The following CCDC27 variants were observed in gnomAD, a reference collection of about 807,000 sequenced individuals.
The protein encoded by CCDC27 is coiled-coil domain containing 27.
CCDC27 carries 80 observed loss-of-function variants against 80.3 expected under a neutral mutation model. The ratio of observed to expected loss-of-function variants is 1.00; its 90% CI spans 0.83 to 1.20. CCDC27 has a LOEUF of 1.20. CCDC27 is among the 50% of genes most tolerant of loss of function. The pLI is 0.00. For synonymous variants in CCDC27, 342 were observed against 334.3 expected, an observed-to-expected ratio of 1.02 and a Z score of -0.25; for missense variants, 815 against 809.4, an observed-to-expected ratio of 1.01 and a Z score of -0.08.
Position 3,769,384 on chromosome 1 carries a change from A to G in CCDC27, c.1744-399A>G, listed in dbSNP as rs1229460805. Among the ~76,000 whole-genome samples, 2 of 152,164 alleles carry G rather than the reference A, an allele frequency of 1.3e-5. No homozygotes were observed. The highest frequency in any genetic ancestry group is 6.5e-5 in the Admixed American group (1 of 15,284). On this transcript the variant is annotated intron_variant, in intron 10 of 11. Transcript: ENST00000294600. The surrounding 1 kb of genome is among the most constrained non-coding windows in gnomAD (Gnocchi z 4.6). Reference sequence around the variant, plus strand: ...AATGCCTAAAGTGAGAGTGTCCCCAAGGGCCAGGAAGTCCGCTCACTGCAG... The same window carrying G: ...AATGCCTAAAGTGAGAGTGTCCCCAGGGGCCAGGAAGTCCGCTCACTGCAG...
At chr1:3,765,280 TC>T (rs1448373008) in intron 8 of CCDC27, among the ~76,000 whole-genome samples, 22 of 152,172 alleles carry the variant, frequency 1.4e-4, no homozygotes, top group Admixed American at 3.9e-4. Context: ...TAAGATCCTA[TC>T]TTTGTCCCAG....
rs1643298430 is a variant in CCDC27 at position 3,769,084 on chromosome 1, C to T, written c.1744-699C>T. Among the ~76,000 whole-genome samples the T allele has an allele frequency of 6.6e-6, 1 of 152,180 alleles. No individual in the cohort carries two copies. Among genetic ancestry groups the T allele is most frequent in the African/African-American group, 2.4e-5 (1 of 41,442 alleles). ...GTCGTCAGGGTTTCTGGACGAGGAA[C>T]TCGTGCTGAGCGTGCCGCATAACTC... On this transcript the variant is annotated intron_variant, in intron 10 of 11. Transcript: ENST00000294600. The surrounding 1 kb of genome is among the most constrained non-coding windows in gnomAD (Gnocchi z 4.6).
At chr1:3,755,256 G>A (rs942326252) in intron 2 of CCDC27, among the ~76,000 whole-genome samples, 3 of 152,206 alleles carry the variant, frequency 2.0e-5, no homozygotes, top group Non-Finnish European at 4.4e-5. Context: ...CCACACTTGG[G>A]TCTGCTGAGG....
At chr1:3,762,305 G>A (rs1196556221) in intron 5 of CCDC27, among the ~76,000 whole-genome samples, 1 of 152,180 alleles carries the variant, frequency 6.6e-6, no homozygotes, top group Admixed American at 6.5e-5. Flanking sequence ...GGGTGTCTGA[G>A]GGTGGGCCAC....
intron 3 of CCDC27, 91 bp from the exon 4 acceptor site, chr1:3,756,642 T>G (rs1008604848): frequency 1.4e-6 from 2 of 1,396,102 alleles, no homozygotes; most frequent in Non-Finnish European, 2.0e-6. Context: ...CCGAGGGAAG[T>G]CTCGGAAGGG....
At position 3,769,852 on chromosome 1, in the gene CCDC27, G is replaced by A. The variant is rs1055191206; in HGVS notation, c.1813G>A (p.Glu605Lys). ...SISGTKSLAN[E>K]ISDNDILEAL... ...CTCCGGGACCAAGTCCTTGGCCAACGAGATCTCTGACAATGACATCCTGGA... is the reference window on the plus strand; with the variant it reads ...CTCCGGGACCAAGTCCTTGGCCAACAAGATCTCTGACAATGACATCCTGGA... Residue 605 changes from glutamate (E) to lysine (K), a missense_variant, in exon 11 of 12, where the codon GAG (glutamate) becomes AAG (lysine). Coordinates refer to ENST00000294600, the MANE Select transcript of CCDC27 (RefSeq NM_152492.3). The surrounding 1 kb of genome is among the most constrained non-coding windows in gnomAD (Gnocchi z 4.6). 4 of 1,613,906 alleles carry A rather than the reference G, an allele frequency of 2.5e-6. No homozygotes were observed. Among genetic ancestry groups the A allele is most frequent in the Non-Finnish European group, 3.4e-6 (4 of 1,179,912 alleles).
At chr1:3,762,898 G>A (rs968489071) in intron 6 of CCDC27, 186 bp downstream of exon 6, 8 of 782,108 alleles carry the variant, frequency 1.0e-5, no homozygotes, top group Admixed American at 5.9e-5. Flanking sequence ...GTCAGGTGCA[G>A]TCTACTGACA....
chr1:3,769,710 TG>T lies in CCDC27; in HGVS notation c.1744-67del. ...TCCTGGTACATAAAAAATAAGGTGG[TG>T]GGGGGTGCAGCCCACTGGCCAGGTG... On this transcript the variant is annotated intron_variant, in intron 10 of 11. Coordinates refer to ENST00000294600, the MANE Select transcript of CCDC27 (RefSeq NM_152492.3). This position sits in a 1 kb window ranked among gnomAD's most constrained non-coding sequence, Gnocchi z 4.6. 1.7e-5 allele frequency: 17 copies of T among 976,582 alleles called. No homozygotes were observed. Among genetic ancestry groups the T allele is most frequent in the Non-Finnish European group, 2.8e-5 (17 of 599,060 alleles). The allele number at this position is 976,582 out of a possible 1,614,324, so 60.5% of individuals were successfully genotyped here.
Position 3,763,858 on chromosome 1 carries a change from G to A in CCDC27, c.1452+22G>A. The A allele has an allele frequency of 3.1e-6, 5 of 1,611,006 alleles. No homozygotes were observed. Among genetic ancestry groups the A allele is most frequent in the Non-Finnish European group, 4.2e-6 (5 of 1,177,940 alleles). ...CAAGGTGGCCGTGCGCTCAGTACCG[G>A]CCTCCGCTCCATGAGCATGGGCCCC... is the stretch of plus-strand genomic sequence containing the variant. On this transcript the variant is annotated intron_variant, in intron 8 of 11. Coordinates refer to ENST00000294600, the MANE Select transcript of CCDC27 (RefSeq NM_152492.3). This position sits in a 1 kb window ranked among gnomAD's most constrained non-coding sequence, Gnocchi z 7.5.
intron 4 of CCDC27, among the ~76,000 whole-genome samples, chr1:3,759,823 T>C (rs1014271293): frequency 1.3e-5 from 2 of 152,184 alleles, no homozygotes; most frequent in Non-Finnish European, 2.9e-5. Context: ...TTCTGAGAAA[T>C]AGGCTGAGCA....
rs905312012 is a variant in CCDC27 at position 3,766,093 on chromosome 1, C to T, written c.1453-442C>T. 1.3e-5 allele frequency among the ~76,000 whole-genome samples: 2 copies of T among 152,140 alleles called. No homozygotes were observed. The highest frequency in any genetic ancestry group is 4.8e-5 in the African/African-American group (2 of 41,422). ...GTTACCCACGCTTCTCTCAAATTCC[C>T]GACCTCAAGTGATCCACCCACCTCA... is the stretch of plus-strand genomic sequence containing the variant. On this transcript the variant is annotated intron_variant, in intron 8 of 11. Coordinates refer to ENST00000294600, the MANE Select transcript of CCDC27 (RefSeq NM_152492.3). This position sits in a 1 kb window ranked among gnomAD's most constrained non-coding sequence, Gnocchi z 6.1.
At chr1:3,756,978 G>A (rs1176936326) in intron 4 of CCDC27, 88 bp downstream of exon 4, 1 of 1,456,176 alleles carries the variant, frequency 6.9e-7, no homozygotes, top group African/African-American at 1.4e-5. Flanking sequence ...GACAGGCTCT[G>A]GTTCTAGTAT....
rs748509640 is a variant in CCDC27 at position 3,771,483 on chromosome 1, C to T, written c.1931C>T (p.Ala644Val). Residue 644 changes from alanine (A) to valine (V), a missense_variant, in exon 12 of 12, where the codon GCC becomes GTC. Physicochemically the swap from Ala to Val is moderately conservative, Grantham distance 64 (BLOSUM62 0). Transcript: ENST00000294600. ...VKVPPLQQSE[A>V]FLTSKSKKGT... ...GTGCCCCCCCTGCAACAGTCAGAGG[C>T]CTTCCTGACCAGCAAATCCAAGAAG... The T allele has an allele frequency of 5.6e-6, 9 of 1,613,970 alleles. No individual in the cohort carries two copies. Among genetic ancestry groups the T allele is most frequent in the Non-Finnish European group, 6.8e-6 (8 of 1,179,960 alleles).
intron 8 of CCDC27, among the ~76,000 whole-genome samples, chr1:3,764,357 A>T (rs563882815): frequency 3.3e-5 from 5 of 152,146 alleles, no homozygotes; most frequent in Non-Finnish European, 5.9e-5. Flanking sequence ...CTAAGGCATC[A>T]TTTTAAATTC....
intron 1 of CCDC27, 107 bp from the exon 2 acceptor site, chr1:3,754,011 C>A: frequency 1.3e-6 from 2 of 1,499,416 alleles, no homozygotes; most frequent in Non-Finnish European, 1.8e-6. Context: ...TAGGCACCTG[C>A]CATTGGGGCG....
rs146283868 is a variant in CCDC27, at chr1:3,768,611, G to A, written c.1743+1166G>A. ...ATCCAGCCGTAGTCCTGGTGAAAGC[G>A]TTAGACCAGAGGCGGTCTAGGTGTG... is the stretch of plus-strand genomic sequence containing the variant. On this transcript the variant is annotated intron_variant, in intron 10 of 11. Coordinates refer to ENST00000294600, the MANE Select transcript of CCDC27 (RefSeq NM_152492.3). This position sits in a 1 kb window ranked among gnomAD's most constrained non-coding sequence, Gnocchi z 5.6. Among the ~76,000 whole-genome samples, 77 of 152,272 alleles carry A rather than the reference G, an allele frequency of 5.1e-4. No homozygotes were observed. Among genetic ancestry groups the A allele is most frequent in the Admixed American group, 1.1e-3 (17 of 15,294 alleles).
At chr1:3,757,453 T>G (rs372708211) in intron 4 of CCDC27, among the ~76,000 whole-genome samples, 13 of 151,972 alleles carry the variant, frequency 8.6e-5, no homozygotes, top group African/African-American at 2.4e-4. Context: ...AGTAGTAGTA[T>G]TTTTTGAGAC....
At position 3,753,961 on chromosome 1, in the gene CCDC27, C is replaced by T. The variant is rs371192785; in HGVS notation, c.319-157C>T. ...CTCTGGGGAGGCCTGAGGGGCCACA[C>T]GGTGTCCTGGGTGTGGGGTCTGCAT... On this transcript the variant is annotated intron_variant, in intron 1 of 11. Coordinates refer to ENST00000294600, the MANE Select transcript of CCDC27 (RefSeq NM_152492.3). 5.3e-5 allele frequency among the ~76,000 whole-genome samples: 8 copies of T among 152,060 alleles called. 1 individual carries two copies. Among genetic ancestry groups the T allele is most frequent in the African/African-American group, 1.7e-4 (7 of 41,470 alleles).
At position 3,769,814 on chromosome 1, in the gene CCDC27, C is replaced by G; in HGVS notation, c.1775C>G (p.Ala592Gly). 6.2e-7 allele frequency: 1 copy of G among 1,614,026 alleles called. No homozygotes were observed. Among genetic ancestry groups the G allele is most frequent in the Non-Finnish European group, 8.5e-7 (1 of 1,179,924 alleles). ...AGGTTAAGGAATAAGATCATCCAGGCCACCTTTAGCATCTCCGGGACCAAG... is the reference window on the plus strand; with the variant it reads ...AGGTTAAGGAATAAGATCATCCAGGGCACCTTTAGCATCTCCGGGACCAAG... ...LERLRNKIIQ[A>G]TFSISGTKSL... is the part of the protein sequence containing the mutation. The change falls in exon 11 of 12, where the codon GCC (alanine) becomes GGC (glycine). Residue 592 changes from alanine to glycine, a missense_variant. Ala to Gly is a moderately conservative substitution (Grantham distance 60). Coordinates refer to ENST00000294600, the MANE Select transcript of CCDC27 (RefSeq NM_152492.3). The surrounding 1 kb of genome is among the most constrained non-coding windows in gnomAD (Gnocchi z 4.6).
Sources: allele counts gnomAD v4.1 joint callset (sites outside exome capture counted in the v4.1 genomes callset), GRCh38; gene constraint gnomAD v4.1.1; non-coding constraint Gnocchi (gnomAD v3.1); transcripts MANE v1.5; gene names NCBI Gene and HGNC (gene_info 2026-07-23, HGNC 2026-07-21).